Variants in CTNND2 observed in about 807,000 individuals in gnomAD.
CTNND2 encodes catenin delta 2, also known as catenin delta-2.
CTNND2 carries 22 observed loss-of-function variants against 144.4 expected under a neutral mutation model. The ratio of observed to expected loss-of-function variants is 0.15; its 90% CI spans 0.11 to 0.22. The LOEUF (loss-of-function observed/expected upper bound fraction) is 0.22, where lower values mean the gene tolerates loss of function less well. Among genes scored for constraint, CTNND2 ranks in the 10% least tolerant of loss-of-function variants. CTNND2 has a pLI of 1.00. For missense variants in CTNND2, 1,353 were observed against 1,618.8 expected (o/e 0.84, Z 2.82); for synonymous variants, 751 against 695.6 (o/e 1.08, Z -1.25).
intron 3 of CTNND2, among the ~76,000 whole-genome samples, chr5:11,420,962 A>G (rs545536281): frequency 1.3e-5 from 2 of 152,232 alleles, no homozygotes; most frequent in East Asian, 3.9e-4. Context: ...TGTCATGCCT[A>G]CGTGACACAG....
intron 2 of CTNND2, chr5:11,588,656 A>T: frequency 1.5e-6 from 1 of 681,538 alleles, no homozygotes; most frequent in Non-Finnish European, 1.8e-6. Context: ...AACTTTAGTT[A>T]AAATTATCAC....
chr5:11,683,348 G>A (rs1156655757), intron 2 of CTNND2, among the ~76,000 whole-genome samples: 1 of 152,120 alleles, frequency 6.6e-6, no homozygotes, highest in Admixed American at 6.5e-5. Flanking sequence ...TTATCAAACA[G>A]CAGCAGAAAA....
chr5:11,880,893 TACC>T lies in CTNND2; in HGVS notation c.37+22921_37+22923del, dbSNP rs1278364122. ...CTACTGCTACTAGTACTACTACTAC[TACC>T]ATTACTACTACTACCACCACTACTA... On this transcript the variant is annotated intron_variant, in intron 1 of 21. Transcript: ENST00000304623. Among the ~76,000 whole-genome samples the T allele has an allele frequency of 1.0e-4, 15 of 145,662 alleles. No homozygotes were observed. In the East Asian group the frequency reaches 1.2e-3, roughly 12 times the overall value.
chr5:11,334,501 T>C (rs1259319002), intron 9 of CTNND2, among the ~76,000 whole-genome samples: 1 of 152,220 alleles, frequency 6.6e-6, no homozygotes, highest in African/African-American at 2.4e-5. Context: ...CCCAGGCTGA[T>C]TTCATATCTG....
intron 2 of CTNND2, among the ~76,000 whole-genome samples, chr5:11,598,169 T>C (rs1020001532): frequency 2.0e-5 from 3 of 152,222 alleles, no homozygotes; most frequent in African/African-American, 7.2e-5. Flanking sequence ...TCCAAAATCA[T>C]GTTTGTGTTC....
intron 11 of CTNND2, among the ~76,000 whole-genome samples, chr5:11,181,862 GTGT>G (rs1453486688): frequency 4.4e-5 from 3 of 68,228 alleles, no homozygotes; most frequent in East Asian, 3.7e-4. Context: ...ATGTGTGTGT[GTGT>G]TATGTGTGGC....
Position 11,875,961 on chromosome 5 carries a change from T to C in CTNND2, c.37+27856A>G, listed in dbSNP as rs149053253. Among the ~76,000 whole-genome samples, 1,137 of 152,302 alleles carry C rather than the reference T, an allele frequency of 7.5e-3. 21 individuals carry two copies. The highest frequency in any genetic ancestry group is 0.044 in the Admixed American group (673 of 15,300). Reference sequence around the variant, plus strand: ...CTTCCACACAATCTCACAAGGAATATCCTTGATAAGGAATAAAACAGATGA... The same window carrying C: ...CTTCCACACAATCTCACAAGGAATACCCTTGATAAGGAATAAAACAGATGA... On this transcript the variant is annotated intron_variant, in intron 1 of 21. Coordinates refer to ENST00000304623, the MANE Select transcript of CTNND2 (RefSeq NM_001332.4).
At chr5:11,443,239 T>TGA (rs1491081229) in intron 3 of CTNND2, among the ~76,000 whole-genome samples, 3 of 63,662 alleles carry the variant, frequency 4.7e-5, no homozygotes, top group African/African-American at 2.3e-4. Context: ...GTGTGTGATG[T>TGA]GTGTGTGTGT....
intron 9 of CTNND2, among the ~76,000 whole-genome samples, chr5:11,299,897 T>A (rs774942221): frequency 2.2e-4 from 33 of 152,304 alleles, no homozygotes; most frequent in Non-Finnish European, 2.9e-4. Context: ...GTAGCACCAG[T>A]GTGCCTCAGT....
intron 11 of CTNND2, among the ~76,000 whole-genome samples, chr5:11,190,312 G>A (rs2149813640): frequency 6.6e-6 from 1 of 152,320 alleles, no homozygotes; most frequent in East Asian, 1.9e-4. Context: ...AGCGTGCAGG[G>A]CTTGGCCCAG....
intron 9 of CTNND2, among the ~76,000 whole-genome samples, chr5:11,313,320 G>A (rs1219986437): frequency 1.3e-5 from 2 of 152,192 alleles, no homozygotes; most frequent in South Asian, 2.1e-4. Flanking sequence ...GCCTCAGTAC[G>A]GCTGCTCAGG....
intron 1 of CTNND2, among the ~76,000 whole-genome samples, chr5:11,763,800 G>A (rs971503052): frequency 3.9e-5 from 6 of 152,000 alleles, no homozygotes; most frequent in Admixed American, 1.3e-4. Flanking sequence ...ATCAGTAGCT[G>A]GTTTCCCTGT....
intron 1 of CTNND2, among the ~76,000 whole-genome samples, chr5:11,814,895 G>C (rs1350149772): frequency 6.6e-6 from 1 of 152,146 alleles, no homozygotes; most frequent in Admixed American, 6.5e-5. Flanking sequence ...CCATTATCAT[G>C]ATCAATAAAA....
At chr5:11,473,526 C>A (rs888738488) in intron 3 of CTNND2, among the ~76,000 whole-genome samples, 5 of 152,164 alleles carry the variant, frequency 3.3e-5, no homozygotes, top group Non-Finnish European at 2.9e-5. Context: ...GTAAAAAAGG[C>A]CTAAGCAGGT....
chr5:11,819,150 G>C (rs1793176283), intron 1 of CTNND2, among the ~76,000 whole-genome samples: 1 of 152,136 alleles, frequency 6.6e-6, no homozygotes, highest in Non-Finnish European at 1.5e-5. Context: ...GTGACCAAAG[G>C]AGGTATATGG....
chr5:11,613,571 T>C (rs1780435082), intron 2 of CTNND2, among the ~76,000 whole-genome samples: 1 of 152,196 alleles, frequency 6.6e-6, no homozygotes. Flanking sequence ...AATTTGTATG[T>C]ATTAACCTAT....
rs201527586 is a variant in CTNND2 at position 11,170,579 on chromosome 5, T to TAC, written c.1976-10822_1976-10821dup. On this transcript the variant is annotated intron_variant, in intron 11 of 21. Coordinates refer to ENST00000304623, the MANE Select transcript of CTNND2 (RefSeq NM_001332.4). ...CTACTAAAACACACATACACACACA[T>TAC]ACACACACACATACACACACACACA... is the stretch of plus-strand genomic sequence containing the variant. Among the ~76,000 whole-genome samples the TAC allele has an allele frequency of 6.9e-3, 1,043 of 151,352 alleles. 13 individuals are homozygous for TAC. The highest frequency in any genetic ancestry group is 0.024 in the African/African-American group (984 of 41,146).
At chr5:11,825,013 A>G (rs141574751) in intron 1 of CTNND2, among the ~76,000 whole-genome samples, 1 of 152,338 alleles carries the variant, frequency 6.6e-6, no homozygotes, top group African/African-American at 2.4e-5. Flanking sequence ...TTATTGACTT[A>G]TCCTCCAACA....
intron 18 of CTNND2, among the ~76,000 whole-genome samples, chr5:11,012,182 C>T (rs1741167518): frequency 6.6e-6 from 1 of 151,518 alleles, no homozygotes; most frequent in African/African-American, 2.4e-5. Flanking sequence ...GAGACATCAG[C>T]AATCCACTGA....
Sources: gnomAD v4.1 joint callset for allele counts (sites outside exome capture counted in the v4.1 genomes callset) on GRCh38, gnomAD v4.1.1 for gene constraint, MANE v1.5 for transcripts, NCBI Gene and HGNC (gene_info 2026-07-23, HGNC 2026-07-21) for gene names.